Variants in IP6K1 observed in about 807,000 individuals in gnomAD.
IP6K1 encodes the protein ATP:1D-myo-inositol-hexakisphosphate phosphotransferase.
Under a neutral mutation model 38.3 loss-of-function variants are expected in IP6K1, and 13 were observed. The ratio of observed to expected loss-of-function variants is 0.34; its 90% CI spans 0.22 to 0.54. The LOEUF (loss-of-function observed/expected upper bound fraction) is 0.54. Ranked by LOEUF, IP6K1 falls within the 20% of genes least tolerant of loss-of-function variation. IP6K1 has a pLI of 0.92. For missense variants in IP6K1, 397 were observed against 599.8 expected, an observed-to-expected ratio of 0.66 and a Z score of 3.53; for synonymous variants, 212 against 229.9, an observed-to-expected ratio of 0.92 and a Z score of 0.70.
rs1369636087 is a variant in IP6K1, at chr3:49,785,505, C to A, written c.-129+849G>T. 2.0e-5 allele frequency: 3 copies of A among 151,960 alleles called. No individual in the cohort carries two copies. In the East Asian group the frequency reaches 5.8e-4, roughly 29 times the overall value. The allele number at this position is 151,960 out of a possible 1,614,324, so 9.4% of individuals were successfully genotyped here. On this transcript the variant is annotated intron_variant, in intron 1 of 5. Coordinates refer to ENST00000321599, the MANE Select transcript of IP6K1 (RefSeq NM_153273.4). ...TGGGCAACAGAGCGAGAGACTCTGT[C>A]TCAAAAGAAAAAAAAGAAAAAAAAC... is the stretch of plus-strand genomic sequence containing the variant.
Position 49,732,972 on chromosome 3 carries a change from G to A in IP6K1, c.435C>T (p.Ser145=). ...CCTTCGGACTCTTTGCCTCCTGTGA[G>A]CTAAGAAGGAAGAACATACACATCA... The part of the protein sequence containing the change: ...KASLSLETSE[S]SQEAKSPKVE... Residue 145 remains serine (S), a splice_region_variant and synonymous_variant, in exon 4 of 6, where the codon AGC becomes AGT. Coordinates refer to ENST00000321599, the MANE Select transcript of IP6K1 (RefSeq NM_153273.4). 2 of 1,610,688 alleles carry A rather than the reference G, an allele frequency of 1.2e-6. No homozygotes were observed. The highest frequency in any genetic ancestry group is 1.7e-6 in the Non-Finnish European group (2 of 1,177,510).
chr3:49,755,622 A>C (rs149055728), intron 1 of IP6K1, among the ~76,000 whole-genome samples: 1 of 152,320 alleles, frequency 6.6e-6, no homozygotes, highest in East Asian at 1.9e-4. Flanking sequence ...CTGATAAGTC[A>C]CTCTAACAGA....
chr3:49,738,887 CTG>C (rs1340593431), intron 2 of IP6K1, among the ~76,000 whole-genome samples: 2 of 152,198 alleles, frequency 1.3e-5, no homozygotes, highest in Admixed American at 6.5e-5. Flanking sequence ...CCAAAAAAAT[CTG>C]TGTTCTGCCC....
intron 1 of IP6K1, among the ~76,000 whole-genome samples, chr3:49,766,243 T>C (rs868423356): frequency 6.6e-6 from 1 of 152,070 alleles, no homozygotes; most frequent in Non-Finnish European, 1.5e-5. Flanking sequence ...CAGATGCCTG[T>C]AGTCCCAGCA....
At chr3:49,772,155 G>A (rs2080965178) in intron 1 of IP6K1, among the ~76,000 whole-genome samples, 1 of 150,544 alleles carries the variant, frequency 6.6e-6, no homozygotes, top group Admixed American at 6.6e-5. Flanking sequence ...CAAGGTGGCA[G>A]TGAGCTATAA....
At chr3:49,768,274 T>C (rs961426622) in intron 1 of IP6K1, among the ~76,000 whole-genome samples, 4 of 152,192 alleles carry the variant, frequency 2.6e-5, no homozygotes, top group African/African-American at 7.2e-5. Flanking sequence ...AATAACCAAA[T>C]GGTGTCTACG....
intron 3 of IP6K1, among the ~76,000 whole-genome samples, chr3:49,733,707 T>C (rs545022033): frequency 6.6e-6 from 1 of 152,208 alleles, no homozygotes; most frequent in South Asian, 2.1e-4. Flanking sequence ...GCAAATCCAT[T>C]AAGACAGAAA....
At chr3:49,758,830 C>CT (rs2080845835) in intron 1 of IP6K1, among the ~76,000 whole-genome samples, 1 of 151,834 alleles carries the variant, frequency 6.6e-6, no homozygotes, top group African/African-American at 2.4e-5. Flanking sequence ...TGTGGTGGCG[C>CT]ATGTCTGTAA....
In IP6K1 at chr3:49,727,572, G is replaced by A. The variant is rs992353649; in HGVS notation, c.876C>T (p.Ala292=). The A allele has an allele frequency of 4.3e-6, 7 of 1,614,196 alleles. No homozygotes were observed. The highest frequency in any genetic ancestry group is 1.3e-5 in the African/African-American group (1 of 75,050). ...RGLSIEGFRN[A]LYQYLHNGLD... is the part of the protein sequence containing the mutation. Reference sequence around the variant, plus strand: ...GGCCATTGTGCAGATATTGATAGAGGGCATTGCGGAAGCCTTCAATGGAGA... The same window carrying A: ...GGCCATTGTGCAGATATTGATAGAGAGCATTGCGGAAGCCTTCAATGGAGA... Residue 292 remains alanine (A), a synonymous_variant, in exon 6 of 6, where the codon GCC becomes GCT. Coordinates refer to ENST00000321599, the MANE Select transcript of IP6K1 (RefSeq NM_153273.4). This position sits in a 1 kb window ranked among gnomAD's most constrained non-coding sequence, Gnocchi z 5.9.
chr3:49,785,334 C>T (rs2081103138), intron 1 of IP6K1: 1 of 152,102 alleles, frequency 6.6e-6, no homozygotes, highest in Non-Finnish European at 1.5e-5. Context: ...GGTGAAACCC[C>T]GTCTCTATTA....
At chr3:49,733,074 G>A (rs1372346626) in intron 3 of IP6K1, 102 bp from the exon 4 acceptor site, 2 of 806,176 alleles carry the variant, frequency 2.5e-6, no homozygotes, top group Non-Finnish European at 3.9e-6. Context: ...CAGACCCACA[G>A]ACCCTGCTAA....
rs1329205033 is a variant in IP6K1, at chr3:49,738,268, G to A, written c.378C>T (p.Gly126=). Residue 126 remains glycine, a synonymous_variant, in exon 3 of 6, where the codon GGC becomes GGT. Coordinates refer to ENST00000321599, the MANE Select transcript of IP6K1 (RefSeq NM_153273.4). ...KHSRRSLHRS[G]SGSDHKEEKA... ...TCTCCTCCTTGTGGTCACTGCCACT[G>A]CCTGACCGGTGCAGGCTCCGGCGGG... 1 of 1,614,220 alleles carries A rather than the reference G, an allele frequency of 6.2e-7. No individual in the cohort carries two copies. The highest frequency in any genetic ancestry group is 8.5e-7 in the Non-Finnish European group (1 of 1,180,042).
In IP6K1 at chr3:49,754,424, C is replaced by G. The variant is rs146865241; in HGVS notation, c.-128-6256G>C. Among the ~76,000 whole-genome samples the G allele has an allele frequency of 7.5e-3, 1,134 of 152,078 alleles. 6 individuals are homozygous for G. Among genetic ancestry groups the G allele is most frequent in the Middle Eastern group, 0.041 (12 of 294 alleles). ...TCAGGCCATGTATGGTGGCTCACAC[C>G]TGTCATCCTAACACTTTGGAAGGCC... On this transcript the variant is annotated intron_variant, in intron 1 of 5. Coordinates refer to ENST00000321599, the MANE Select transcript of IP6K1 (RefSeq NM_153273.4).
chr3:49,740,493 TAA>T (rs2080657313), intron 2 of IP6K1, among the ~76,000 whole-genome samples: 2 of 152,212 alleles, frequency 1.3e-5, no homozygotes, highest in South Asian at 4.1e-4. Context: ...CTGTACCCAT[TAA>T]GCAGTAACTC....
At chr3:49,780,624 A>G (rs957937288) in intron 1 of IP6K1, among the ~76,000 whole-genome samples, 11 of 152,168 alleles carry the variant, frequency 7.2e-5, no homozygotes, top group African/African-American at 2.2e-4. Flanking sequence ...AGATCAAGCC[A>G]CAACAAAGAA....
chr3:49,754,381 A>G (rs903201791), intron 1 of IP6K1, among the ~76,000 whole-genome samples: 11 of 146,996 alleles, frequency 7.5e-5, no homozygotes, highest in South Asian at 4.3e-4. Flanking sequence ...GTCTCAGGGG[A>G]AAAAAAAAAA....
At chr3:49,749,635 C>T (rs1055721305) in intron 1 of IP6K1, among the ~76,000 whole-genome samples, 1 of 152,064 alleles carries the variant, frequency 6.6e-6, no homozygotes, top group African/African-American at 2.4e-5. Flanking sequence ...GGCACTACTG[C>T]ACTCCAGCCT....
At chr3:49,737,622 G>T (rs1327726269) in intron 3 of IP6K1, among the ~76,000 whole-genome samples, 1 of 152,180 alleles carries the variant, frequency 6.6e-6, no homozygotes, top group African/African-American at 2.4e-5. Context: ...GGAGGGAGAG[G>T]TTGCAGTGAC....
At chr3:49,771,510 C>T (rs534685163) in intron 1 of IP6K1, among the ~76,000 whole-genome samples, 2 of 152,294 alleles carry the variant, frequency 1.3e-5, no homozygotes, top group South Asian at 4.1e-4. Context: ...TACCACTATA[C>T]TTTCACCCAA....
Sources: gnomAD v4.1 joint callset for allele counts (sites outside exome capture counted in the v4.1 genomes callset) on GRCh38, gnomAD v4.1.1 for gene constraint, Gnocchi (gnomAD v3.1) non-coding constraint, MANE v1.5 for transcripts, NCBI Gene and HGNC (gene_info 2026-07-23, HGNC 2026-07-21) for gene names.